Variants in CNTNAP5 observed in about 807,000 individuals in gnomAD.
CNTNAP5 encodes the protein contactin associated protein family member 5.
Under a neutral mutation model 150.2 loss-of-function variants are expected in CNTNAP5, and 72 were observed. That is an observed-to-expected ratio of 0.48 (90% CI 0.40 to 0.58). CNTNAP5 has a LOEUF of 0.58. Ranked by LOEUF, CNTNAP5 falls within the 20% of genes least tolerant of loss-of-function variation. CNTNAP5 has a pLI of 0.00. For missense variants in CNTNAP5, 1,636 were observed against 1,626.2 expected (o/e 1.01, Z -0.10); for synonymous variants, 672 against 619.8 (o/e 1.08, Z -1.25).
chr2:124,123,282 C>A (rs945265200), intron 1 of CNTNAP5, among the ~76,000 whole-genome samples: 2 of 152,186 alleles, frequency 1.3e-5, no homozygotes, highest in African/African-American at 2.4e-5. Flanking sequence ...GGGTCCCACG[C>A]CCACGGAGCC....
intron 13 of CNTNAP5, among the ~76,000 whole-genome samples, chr2:124,666,064 C>T (rs79634614): frequency 0.034 from 5,100 of 152,002 alleles, 122 homozygotes; most frequent in Non-Finnish European, 0.053. Flanking sequence ...TATGAGTGAC[C>T]GTGACCTGGG....
At chr2:124,115,507 C>T (rs1683405225) in intron 1 of CNTNAP5, among the ~76,000 whole-genome samples, 1 of 151,934 alleles carries the variant, frequency 6.6e-6, no homozygotes, top group Non-Finnish European at 1.5e-5. Context: ...GGGCTGCTGG[C>T]AGAGCTATAG....
At position 124,290,874 on chromosome 2, in the gene CNTNAP5, CTTTATTTATTTATTTATTTATTTATTTA is replaced by C. The variant is rs59044145; in HGVS notation, c.381+48497_381+48524del. On this transcript the variant is annotated intron_variant, in intron 3 of 23. Transcript: ENST00000682447. Reference sequence around the variant, plus strand: ...GCCATGCCAAGTCTCATCTTCCTTCCTTTATTTATTTATTTATTTATTTATTTATTTATTTATTTATTTTAAGCAGGGA... The same window carrying C: ...GCCATGCCAAGTCTCATCTTCCTTCCTTTATTTATTTATTTTAAGCAGGGA... Among the ~76,000 whole-genome samples, 55 of 148,542 alleles carry C rather than the reference CTTTATTTATTTATTTATTTATTTATTTA, an allele frequency of 3.7e-4. 1 individual carries two copies. The East Asian group carries it at 7.4e-3, about 20-fold the overall frequency.
intron 1 of CNTNAP5, among the ~76,000 whole-genome samples, chr2:124,171,358 G>C (rs1387387291): frequency 6.6e-6 from 1 of 152,266 alleles, no homozygotes; most frequent in South Asian, 2.1e-4. Context: ...CCCTTGCCTC[G>C]TTTTTGATCA....
At chr2:124,554,620 A>G (rs1198144893) in intron 10 of CNTNAP5, among the ~76,000 whole-genome samples, 4 of 151,880 alleles carry the variant, frequency 2.6e-5, no homozygotes, top group African/African-American at 9.7e-5. Context: ...CAGGGTTTCC[A>G]TGTGTTGTCC....
intron 19 of CNTNAP5, among the ~76,000 whole-genome samples, chr2:124,853,147 G>A (rs772973852): frequency 2.0e-5 from 3 of 152,162 alleles, no homozygotes; most frequent in Non-Finnish European, 4.4e-5. Flanking sequence ...GAATGAGAGC[G>A]AACTCTTATC....
rs576415926 is a variant in CNTNAP5, at chr2:124,461,294, T to A, written c.919-13445T>A. ...AACCAAGCCAAATGTCCAACAATGATAGACTGGATTAAGAAAATGTGGCAC... is the reference window on the plus strand; with the variant it reads ...AACCAAGCCAAATGTCCAACAATGAAAGACTGGATTAAGAAAATGTGGCAC... On this transcript the variant is annotated intron_variant, in intron 6 of 23. Transcript: ENST00000682447. Among the ~76,000 whole-genome samples the A allele has an allele frequency of 5.3e-5, 8 of 152,040 alleles. 1 individual carries two copies. The East Asian group carries it at 1.2e-3, about 22-fold the overall frequency.
At position 124,868,385 on chromosome 2, in the gene CNTNAP5, CTT is replaced by C. The variant is rs1283368669; in HGVS notation, c.3349-1288_3349-1287del. 2.0e-5 allele frequency among the ~76,000 whole-genome samples: 3 copies of C among 152,118 alleles called. No individual in the cohort carries two copies. In the East Asian group the frequency reaches 5.8e-4, roughly 29 times the overall value. ...AACTCTAGTTGTGCCACTCTGGCCT[CTT>C]TGCTATTTGCAGAGCCCTTGGACTC... On this transcript the variant is annotated intron_variant, in intron 20 of 23. Transcript: ENST00000682447.
chr2:124,274,480 G>C (rs1162098251), intron 3 of CNTNAP5, among the ~76,000 whole-genome samples: 6 of 147,396 alleles, frequency 4.1e-5, no homozygotes, highest in African/African-American at 1.5e-4. Context: ...CCTCCAGCTG[G>C]AAAAGACAAT....
chr2:124,259,156 C>T (rs1687390613), intron 3 of CNTNAP5, among the ~76,000 whole-genome samples: 1 of 152,036 alleles, frequency 6.6e-6, no homozygotes. Context: ...TAGTTTCCAG[C>T]TTCATCCATG....
intron 8 of CNTNAP5, among the ~76,000 whole-genome samples, chr2:124,521,272 T>C (rs1694840767): frequency 6.6e-6 from 1 of 152,194 alleles, no homozygotes; most frequent in Admixed American, 6.5e-5. Context: ...CATTGAGAAC[T>C]ATTGTTCTAA....
intron 10 of CNTNAP5, among the ~76,000 whole-genome samples, chr2:124,555,673 T>C (rs1036926541): frequency 6.6e-6 from 1 of 152,138 alleles, no homozygotes; most frequent in African/African-American, 2.4e-5. Flanking sequence ...CTGACATTAG[T>C]AGTAAGAAAG....
intron 3 of CNTNAP5, among the ~76,000 whole-genome samples, chr2:124,374,488 C>G (rs949319436): frequency 1.4e-4 from 21 of 152,092 alleles, no homozygotes; most frequent in African/African-American, 4.8e-4. Context: ...CAATCATACT[C>G]TGTTCAAAAT....
chr2:124,739,868 C>T (rs1235395192), intron 13 of CNTNAP5, among the ~76,000 whole-genome samples: 1 of 145,562 alleles, frequency 6.9e-6, no homozygotes, highest in African/African-American at 2.5e-5. Context: ...ATTAACTGCT[C>T]TCTTTGGCAC....
At chr2:124,814,106 A>C in intron 19 of CNTNAP5, among the ~76,000 whole-genome samples, 1 of 151,226 alleles carries the variant, frequency 6.6e-6, no homozygotes, top group East Asian at 1.9e-4. Context: ...TATTCTCTGA[A>C]GTTTCCTTTT....
chr2:124,580,203 C>G (rs1332335693), intron 11 of CNTNAP5, among the ~76,000 whole-genome samples: 1 of 152,222 alleles, frequency 6.6e-6, no homozygotes. Context: ...TCTGGTCAGT[C>G]TCTCAAAATT....
At chr2:124,761,164 C>A (rs1461422835) in intron 14 of CNTNAP5, among the ~76,000 whole-genome samples, 1 of 152,078 alleles carries the variant, frequency 6.6e-6, no homozygotes, top group Non-Finnish European at 1.5e-5. Flanking sequence ...ATAGGTACCA[C>A]CATCATTTGC....
At chr2:124,132,782 G>T (rs1469359563) in intron 1 of CNTNAP5, among the ~76,000 whole-genome samples, 6 of 152,132 alleles carry the variant, frequency 3.9e-5, no homozygotes, top group Non-Finnish European at 7.4e-5. Flanking sequence ...CAGGGGGTGT[G>T]TACAGATTAG....
At chr2:124,645,283 GGAAAAT>G in intron 12 of CNTNAP5, among the ~76,000 whole-genome samples, 1 of 152,184 alleles carries the variant, frequency 6.6e-6, no homozygotes, top group East Asian at 1.9e-4. Flanking sequence ...TAGACTTTAT[GGAAAAT>G]ATAATCTTAG....
Sources: allele counts gnomAD v4.1 joint callset (sites outside exome capture counted in the v4.1 genomes callset), GRCh38; gene constraint gnomAD v4.1.1; transcripts MANE v1.5; gene names NCBI Gene and HGNC (gene_info 2026-07-23, HGNC 2026-07-21).